TMEM132C: variants seen among roughly 807,000 people sequenced by gnomAD.
TMEM132C encodes protein phosphatase 1, regulatory subunit 152.
Under a neutral mutation model 61.4 loss-of-function variants are expected in TMEM132C, and 29 were observed. That is an observed-to-expected ratio of 0.47 (90% CI 0.35 to 0.64). TMEM132C has a LOEUF of 0.64. Ranked by LOEUF, TMEM132C falls within the 30% of genes least tolerant of loss-of-function variation. The pLI, the probability that TMEM132C is intolerant of heterozygous loss-of-function variation, is 0.00. For synonymous variants in TMEM132C, 656 were observed against 633.1 expected (o/e 1.04, Z -0.54); for missense variants, 1,408 against 1,476.9 (o/e 0.95, Z 0.76).
At chr12:128,696,130 C>T in intron 7 of TMEM132C, 27 bp downstream of exon 7, 4 of 1,545,114 alleles carry the variant, frequency 2.6e-6, no homozygotes, top group Non-Finnish European at 3.5e-6. Context: ...CTCTGTGTCC[C>T]CAGCACTGGG....
intron 2 of TMEM132C, among the ~76,000 whole-genome samples, chr12:128,487,646 T>C (rs1020719994): frequency 6.7e-6 from 1 of 150,358 alleles, no homozygotes; most frequent in Non-Finnish European, 1.5e-5. Flanking sequence ...CATATGTGCA[T>C]GTATACACAG....
intron 2 of TMEM132C, among the ~76,000 whole-genome samples, chr12:128,471,871 A>C (rs1228459042): frequency 6.6e-6 from 1 of 152,222 alleles, no homozygotes; most frequent in Non-Finnish European, 1.5e-5. Flanking sequence ...TAAATAAAAT[A>C]AAAGCTAACC....
intron 1 of TMEM132C, among the ~76,000 whole-genome samples, chr12:128,359,636 T>C (rs754109256): frequency 1.4e-4 from 21 of 152,198 alleles, no homozygotes; most frequent in Admixed American, 2.6e-4. Context: ...AACACCAAGA[T>C]TATTACTTCT....
chr12:128,528,773 T>A (rs193184699), intron 2 of TMEM132C, among the ~76,000 whole-genome samples: 1 of 152,270 alleles, frequency 6.6e-6, no homozygotes, highest in Admixed American at 6.5e-5. Context: ...AGAACACCCC[T>A]GAGAACACTG....
At chr12:128,652,888 C>G (rs1954286338) in intron 4 of TMEM132C, among the ~76,000 whole-genome samples, 1 of 152,148 alleles carries the variant, frequency 6.6e-6, no homozygotes, top group Non-Finnish European at 1.5e-5. Flanking sequence ...ATGTAATTAC[C>G]TACTTTTAAA....
At chr12:128,475,810 C>T (rs1287919620) in intron 2 of TMEM132C, among the ~76,000 whole-genome samples, 1 of 152,194 alleles carries the variant, frequency 6.6e-6, no homozygotes, top group Non-Finnish European at 1.5e-5. Flanking sequence ...TCCCAGCAGT[C>T]CTGTACGAGG....
At chr12:128,414,141 C>A (rs1009589599) in intron 1 of TMEM132C, among the ~76,000 whole-genome samples, 1 of 152,072 alleles carries the variant, frequency 6.6e-6, no homozygotes, top group Non-Finnish European at 1.5e-5. Flanking sequence ...AATCCCAACA[C>A]TTTAGGAGGC....
At chr12:128,333,275 A>C (rs1872708182) in intron 1 of TMEM132C, among the ~76,000 whole-genome samples, 1 of 151,222 alleles carries the variant, frequency 6.6e-6, no homozygotes, top group South Asian at 2.1e-4. Flanking sequence ...TTGTGTTTAC[A>C]TGGGTTTGAG....
chr12:128,283,286 G>GA (rs375924636), intron 1 of TMEM132C, among the ~76,000 whole-genome samples: 2 of 152,230 alleles, frequency 1.3e-5, no homozygotes, highest in African/African-American at 2.4e-5. Context: ...CTACTTTCTG[G>GA]ATGTAAGATC....
At chr12:128,509,303 G>A (rs545296307) in intron 2 of TMEM132C, among the ~76,000 whole-genome samples, 21 of 152,200 alleles carry the variant, frequency 1.4e-4, no homozygotes, top group African/African-American at 3.6e-4. Flanking sequence ...AAGAGCGGGC[G>A]GGAGGGGAAG....
At chr12:128,295,539 G>A (rs1332546597) in intron 1 of TMEM132C, among the ~76,000 whole-genome samples, 4 of 136,656 alleles carry the variant, frequency 2.9e-5, no homozygotes, top group Non-Finnish European at 4.9e-5. Flanking sequence ...GTCTGTAACA[G>A]CCTGCTACCT....
In TMEM132C at chr12:128,298,205, G is replaced by T. The variant is rs141439979; in HGVS notation, c.85+30718G>T. ...ATTCCCTTGCTTAAGACCCCAGTGC[G>T]GCTCCCATTGTTCCAGAAACTAACC... On this transcript the variant is annotated intron_variant, in intron 1 of 8. Transcript: ENST00000435159. Among the ~76,000 whole-genome samples the T allele has an allele frequency of 2.1e-3, 326 of 152,230 alleles. 1 individual carries two copies. Among genetic ancestry groups the T allele is most frequent in the African/African-American group, 7.2e-3 (300 of 41,544 alleles).
intron 2 of TMEM132C, among the ~76,000 whole-genome samples, chr12:128,537,276 AAAAG>A (rs1332309715): frequency 6.6e-6 from 1 of 152,224 alleles, no homozygotes; most frequent in African/African-American, 2.4e-5. Flanking sequence ...TCAAAACCAT[AAAAG>A]GGCAAGGCAG....
At chr12:128,631,141 A>T (rs1001982435) in intron 4 of TMEM132C, among the ~76,000 whole-genome samples, 1 of 152,262 alleles carries the variant, frequency 6.6e-6, no homozygotes, top group African/African-American at 2.4e-5. Flanking sequence ...CAGACGAAGC[A>T]GTGTTATGTA....
chr12:128,271,584 T>C (rs1870524110), intron 1 of TMEM132C, among the ~76,000 whole-genome samples: 1 of 152,200 alleles, frequency 6.6e-6, no homozygotes, highest in Non-Finnish European at 1.5e-5. Flanking sequence ...AGTCTGCCAA[T>C]CTTGGGTGTA....
intron 2 of TMEM132C, among the ~76,000 whole-genome samples, chr12:128,530,600 C>A (rs965286588): frequency 6.6e-6 from 1 of 152,088 alleles, no homozygotes; most frequent in African/African-American, 2.4e-5. Flanking sequence ...TGTGCCACCA[C>A]GCCCATCTAA....
intron 3 of TMEM132C, among the ~76,000 whole-genome samples, chr12:128,612,491 G>T (rs1876668483): frequency 6.6e-6 from 1 of 152,224 alleles, no homozygotes; most frequent in Admixed American, 6.5e-5. Context: ...TTCCAAACAG[G>T]ATCCTGCTGA....
At chr12:128,400,385 G>A (rs535581864) in intron 1 of TMEM132C, among the ~76,000 whole-genome samples, 1 of 152,264 alleles carries the variant, frequency 6.6e-6, no homozygotes, top group Admixed American at 6.5e-5. Flanking sequence ...AAGAGTGAGG[G>A]ACCTTCTTTC....
chr12:128,402,635 C>T (rs538820094), intron 1 of TMEM132C, among the ~76,000 whole-genome samples: 1 of 152,110 alleles, frequency 6.6e-6, no homozygotes, highest in Admixed American at 6.5e-5. Flanking sequence ...AGACGGACCT[C>T]GGTTCCAAGC....
Sources: allele counts gnomAD v4.1 joint callset (sites outside exome capture counted in the v4.1 genomes callset), GRCh38; gene constraint gnomAD v4.1.1; transcripts MANE v1.5; gene names NCBI Gene and HGNC (gene_info 2026-07-23, HGNC 2026-07-21).